Variants in MEIS2 observed in about 807,000 individuals in gnomAD.
MEIS2 encodes the protein Meis homeobox 2.
Under a neutral mutation model 58.6 loss-of-function variants are expected in MEIS2, and 9 were observed. The observed-to-expected ratio is 0.15, with a 90% CI of 0.09 to 0.27. The LOEUF (loss-of-function observed/expected upper bound fraction) is 0.27. Ranked by LOEUF, MEIS2 falls within the 10% of genes least tolerant of loss-of-function variation. The pLI is 1.00. For synonymous variants in MEIS2, 221 were observed against 228.4 expected (o/e 0.97, Z 0.29); for missense variants, 427 against 635.0 (o/e 0.67, Z 3.52).
At chr15:36,961,033 T>C (rs960327730) in intron 8 of MEIS2, among the ~76,000 whole-genome samples, 2 of 152,150 alleles carry the variant, frequency 1.3e-5, no homozygotes, top group Non-Finnish European at 2.9e-5. Context: ...CCCTTTTTTT[T>C]AGAACAGCCT....
At chr15:36,926,385 C>T (rs1398559539) in intron 9 of MEIS2, among the ~76,000 whole-genome samples, 1 of 150,572 alleles carries the variant, frequency 6.6e-6, no homozygotes, top group Non-Finnish European at 1.5e-5. Context: ...TCTCTCTTCA[C>T]ATTAAAACTG....
chr15:36,926,248 T>C (rs897238900), intron 9 of MEIS2, among the ~76,000 whole-genome samples: 1 of 152,096 alleles, frequency 6.6e-6, no homozygotes, highest in Non-Finnish European at 1.5e-5. Flanking sequence ...AGCAGACTTA[T>C]TTTTGTACAT....
At chr15:36,944,585 C>T (rs1169542752) in intron 9 of MEIS2, among the ~76,000 whole-genome samples, 1 of 152,104 alleles carries the variant, frequency 6.6e-6, no homozygotes, top group East Asian at 1.9e-4. Context: ...GAAGCATTTT[C>T]ACCTAGAGCT....
At chr15:37,020,283 C>T (rs953578090) in intron 8 of MEIS2, among the ~76,000 whole-genome samples, 4 of 152,074 alleles carry the variant, frequency 2.6e-5, no homozygotes, top group Non-Finnish European at 5.9e-5. Context: ...CTGCTGACCT[C>T]GCTTCCCTCA....
At chr15:36,935,065 T>C (rs1475143979) in intron 9 of MEIS2, among the ~76,000 whole-genome samples, 1 of 152,196 alleles carries the variant, frequency 6.6e-6, no homozygotes, top group East Asian at 1.9e-4. Context: ...CATAATTGGT[T>C]AGAGTCCAAG....
intron 9 of MEIS2, among the ~76,000 whole-genome samples, chr15:36,907,680 T>C (rs1335051411): frequency 6.6e-6 from 1 of 152,214 alleles, no homozygotes; most frequent in Non-Finnish European, 1.5e-5. Context: ...GCTTGGTCTC[T>C]TGTTTGAGAG....
chr15:36,982,459 G>A (rs1370315471), intron 8 of MEIS2, among the ~76,000 whole-genome samples: 1 of 152,072 alleles, frequency 6.6e-6, no homozygotes, highest in East Asian at 1.9e-4. Context: ...CTTCATCCAT[G>A]TTGTCACAAA....
intron 8 of MEIS2, among the ~76,000 whole-genome samples, chr15:36,962,620 T>G (rs1261193532): frequency 6.6e-6 from 1 of 152,182 alleles, no homozygotes; most frequent in Non-Finnish European, 1.5e-5. Context: ...TCCCCAGATG[T>G]GGAACCCGCA....
At position 37,077,602 on chromosome 15, in the gene MEIS2, C is replaced by T. The variant is rs1450366665; in HGVS notation, c.754+6169G>A. On this transcript the variant is annotated intron_variant, in intron 7 of 11. Coordinates refer to ENST00000561208, the MANE Select transcript of MEIS2 (RefSeq NM_170675.5). ...ATTAATATGAAATGCTTCTATGGTG[C>T]TGGAACAGACAGTGCTACAGAAAGA... Among the ~76,000 whole-genome samples the T allele has an allele frequency of 2.8e-4, 43 of 151,952 alleles. 1 individual carries two copies. Among genetic ancestry groups the T allele is most frequent in the Admixed American group, 2.8e-3 (43 of 15,222 alleles).
At chr15:36,939,958 G>A (rs1412302495) in intron 9 of MEIS2, among the ~76,000 whole-genome samples, 1 of 152,152 alleles carries the variant, frequency 6.6e-6, no homozygotes, top group Non-Finnish European at 1.5e-5. Flanking sequence ...AAGATAAATT[G>A]CGATGGCAGG....
intron 7 of MEIS2, among the ~76,000 whole-genome samples, chr15:37,063,405 G>A (rs1889508939): frequency 6.6e-6 from 1 of 152,044 alleles, no homozygotes; most frequent in East Asian, 1.9e-4. Context: ...TCTGGATTTA[G>A]GGATTAGATA....
intron 9 of MEIS2, among the ~76,000 whole-genome samples, chr15:36,903,355 T>C (rs571720878): frequency 6.6e-6 from 1 of 152,324 alleles, no homozygotes; most frequent in South Asian, 2.1e-4. Flanking sequence ...GCTATTCACA[T>C]CTAGGATCTA....
At chr15:37,053,593 C>A (rs565367051) in intron 7 of MEIS2, among the ~76,000 whole-genome samples, 1 of 152,174 alleles carries the variant, frequency 6.6e-6, no homozygotes, top group South Asian at 2.1e-4. Flanking sequence ...GATTCTCAAG[C>A]AAATTTCCCA....
chr15:36,951,574 C>T (rs578040581), intron 8 of MEIS2, among the ~76,000 whole-genome samples: 25 of 152,124 alleles, frequency 1.6e-4, no homozygotes, highest in African/African-American at 5.5e-4. Flanking sequence ...ATCCAAAATG[C>T]GCACAATTAC....
intron 9 of MEIS2, among the ~76,000 whole-genome samples, chr15:36,909,227 T>A (rs2056886441): frequency 6.6e-6 from 1 of 152,214 alleles, no homozygotes; most frequent in South Asian, 2.1e-4. Context: ...AAGCACTTCC[T>A]CAGTGGCACC....
intron 1 of MEIS2, chr15:37,099,048 C>T: frequency 2.0e-6 from 2 of 983,756 alleles, no homozygotes; most frequent in Non-Finnish European, 2.4e-6. Context: ...CTACGCAGCC[C>T]GTGCCCGCCC....
intron 8 of MEIS2, among the ~76,000 whole-genome samples, chr15:36,969,022 T>G (rs570347348): frequency 6.6e-6 from 1 of 152,352 alleles, no homozygotes; most frequent in African/African-American, 2.4e-5. Flanking sequence ...TTATTTGGAT[T>G]TTTTGTTAAA....
At position 36,891,585 on chromosome 15, in the gene MEIS2, T is replaced by A. The variant is rs2055859602; in HGVS notation, c.*588A>T. The A allele has an allele frequency of 6.5e-6, 1 of 153,608 alleles. No homozygotes were observed. The highest frequency in any genetic ancestry group is 2.0e-4 in the South Asian group (1 of 4,894). The allele number at this position is 153,608 out of a possible 1,614,324, so 9.5% of individuals were successfully genotyped here. A position where few individuals can be genotyped will look rare whatever the true frequency, so the allele number is the denominator to read the frequency against. On this transcript the variant is annotated 3_prime_UTR_variant, in exon 12 of 12. Transcript: ENST00000561208. Reference sequence around the variant, plus strand: ...GCTTATGAAGCACGAACTATAAAGATCTGTTTGAAACTAAAGGACACATTT... The same window carrying A: ...GCTTATGAAGCACGAACTATAAAGAACTGTTTGAAACTAAAGGACACATTT...
intron 8 of MEIS2, among the ~76,000 whole-genome samples, chr15:36,983,588 A>C (rs1277722036): frequency 1.3e-5 from 2 of 152,054 alleles, no homozygotes; most frequent in Non-Finnish European, 2.9e-5. Flanking sequence ...TGGTGGCTCC[A>C]GCTTTGTTCT....
Sources: allele counts gnomAD v4.1 joint callset (sites outside exome capture counted in the v4.1 genomes callset), GRCh38; gene constraint gnomAD v4.1.1; transcripts MANE v1.5; gene names NCBI Gene and HGNC (gene_info 2026-07-23, HGNC 2026-07-21).